The following DRC11 variants were observed in gnomAD, a reference collection of about 807,000 sequenced individuals.
DRC11 encodes the protein dynein regulatory complex subunit 11.
chr2:236,317,454 C>T, the DRC11 span, among the ~76,000 whole-genome samples: 17 of 152,136 alleles, frequency 1.1e-4, no homozygotes, highest in African/African-American at 3.6e-4. This position sits in a 1 kb window ranked among gnomAD's most constrained non-coding sequence, Gnocchi z 5.4. Context: ...AGAAGAAGCC[C>T]GACGGAAATG....
chr2:236,384,625 A>G, the DRC11 span, among the ~76,000 whole-genome samples: 1 of 152,024 alleles, frequency 6.6e-6, no homozygotes, highest in African/African-American at 2.4e-5. Flanking sequence ...GTTCACTCTG[A>G]TGGTAGTGTC....
chr2:236,399,778 ACTTT>A, the DRC11 span, among the ~76,000 whole-genome samples: 1,443 of 152,072 alleles, frequency 9.5e-3, 14 homozygotes, highest in African/African-American at 0.017. This position sits in a 1 kb window ranked among gnomAD's most constrained non-coding sequence, Gnocchi z 7.0. Context: ...TGATTAAAAA[ACTTT>A]CTTTCTTTCT....
At chr2:236,380,424 T>C in the DRC11 span, 8 of 614,804 alleles carry the variant, frequency 1.3e-5, no homozygotes, top group Admixed American at 6.0e-5. This position sits in a 1 kb window ranked among gnomAD's most constrained non-coding sequence, Gnocchi z 4.9. Flanking sequence ...CTGGGATTTG[T>C]AGGGACTTAG....
chr2:236,406,590 T>C, the DRC11 span, among the ~76,000 whole-genome samples: 2 of 152,190 alleles, frequency 1.3e-5, no homozygotes, highest in East Asian at 1.9e-4. The surrounding 1 kb of genome is among the most constrained non-coding windows in gnomAD (Gnocchi z 4.7). Context: ...GATTTCCCAC[T>C]GATCTGAGAG....
At chr2:236,474,275 C>T in the DRC11 span, among the ~76,000 whole-genome samples, 1 of 152,046 alleles carries the variant, frequency 6.6e-6, no homozygotes, top group African/African-American at 2.4e-5. Flanking sequence ...TCTCTTTATA[C>T]TATTCAAACT....
chr2:236,352,697 C>T, the DRC11 span, among the ~76,000 whole-genome samples: 3 of 152,122 alleles, frequency 2.0e-5, no homozygotes, highest in Non-Finnish European at 4.4e-5. This position sits in a 1 kb window ranked among gnomAD's most constrained non-coding sequence, Gnocchi z 7.0. Flanking sequence ...GGATCTTGTT[C>T]AACACATACT....
the DRC11 span, among the ~76,000 whole-genome samples, chr2:236,326,795 T>C: frequency 8.4e-5 from 1 of 11,888 alleles, no homozygotes; most frequent in East Asian, 1.2e-3. Flanking sequence ...AGATTTGTTG[T>C]GTGTGTGTGT....
the DRC11 span, among the ~76,000 whole-genome samples, chr2:236,506,704 A>G: frequency 1.7e-4 from 26 of 152,324 alleles, no homozygotes; most frequent in South Asian, 2.1e-3. This position sits in a 1 kb window ranked among gnomAD's most constrained non-coding sequence, Gnocchi z 4.9. Flanking sequence ...GCGCTGTAAT[A>G]CCTGTTGGAA....
At chr2:236,470,469 G>GC in the DRC11 span, among the ~76,000 whole-genome samples, 1 of 152,152 alleles carries the variant, frequency 6.6e-6, no homozygotes, top group Non-Finnish European at 1.5e-5. This position sits in a 1 kb window ranked among gnomAD's most constrained non-coding sequence, Gnocchi z 5.1. Context: ...ACTTAGAGGC[G>GC]CGTGTTCGGT....
At chr2:236,416,908 C>T in the DRC11 span, among the ~76,000 whole-genome samples, 1 of 151,030 alleles carries the variant, frequency 6.6e-6, no homozygotes, top group Admixed American at 6.6e-5. Flanking sequence ...TTACAGGCAC[C>T]CAAAACAATG....
At chr2:236,387,566 G>C in the DRC11 span, among the ~76,000 whole-genome samples, 2 of 152,122 alleles carry the variant, frequency 1.3e-5, no homozygotes, top group African/African-American at 4.8e-5. Context: ...CTCTGCATGT[G>C]AGATGGGTTT....
At chr2:236,492,792 A>G in the DRC11 span, among the ~76,000 whole-genome samples, 2 of 152,240 alleles carry the variant, frequency 1.3e-5, no homozygotes, top group African/African-American at 2.4e-5. Context: ...GACTGCAAGA[A>G]TCCAGGAGGT....
At chr2:236,463,012 C>G in the DRC11 span, among the ~76,000 whole-genome samples, 1 of 151,894 alleles carries the variant, frequency 6.6e-6, no homozygotes, top group African/African-American at 2.4e-5. This position sits in a 1 kb window ranked among gnomAD's most constrained non-coding sequence, Gnocchi z 5.0. Context: ...AGTCTTATAC[C>G]ACGAGCAGGA....
At chr2:236,313,657 C>T in the DRC11 span, among the ~76,000 whole-genome samples, 1 of 152,106 alleles carries the variant, frequency 6.6e-6, no homozygotes, top group Non-Finnish European at 1.5e-5. This position sits in a 1 kb window ranked among gnomAD's most constrained non-coding sequence, Gnocchi z 4.5. Context: ...GGAATGAGCC[C>T]AGATGTCCTT....
the DRC11 span, among the ~76,000 whole-genome samples, chr2:236,440,866 CT>C: frequency 6.6e-6 from 1 of 152,114 alleles, no homozygotes; most frequent in Non-Finnish European, 1.5e-5. Flanking sequence ...AAAAAATGAA[CT>C]CATTTTGAAT....
the DRC11 span, among the ~76,000 whole-genome samples, chr2:236,425,744 T>C: frequency 6.6e-6 from 1 of 152,052 alleles, no homozygotes; most frequent in Non-Finnish European, 1.5e-5. Context: ...CTATGTTTTC[T>C]TACAGTAGTT....
the DRC11 span, among the ~76,000 whole-genome samples, chr2:236,403,300 G>C: frequency 6.6e-6 from 1 of 152,120 alleles, no homozygotes; most frequent in Non-Finnish European, 1.5e-5. Flanking sequence ...CAGACATGAG[G>C]CTGGAGTGGC....
At chr2:236,354,176 TG>T in the DRC11 span, among the ~76,000 whole-genome samples, 1 of 122,798 alleles carries the variant, frequency 8.1e-6, no homozygotes, top group South Asian at 2.3e-4. Flanking sequence ...GGGACATGCG[TG>T]TATGTCTGTG....
the DRC11 span, chr2:236,408,562 A>G: frequency 1.4e-6 from 1 of 726,536 alleles, no homozygotes; most frequent in Non-Finnish European, 2.6e-6. This position sits in a 1 kb window ranked among gnomAD's most constrained non-coding sequence, Gnocchi z 5.5. Flanking sequence ...GCGTGGAGGA[A>G]GCAGGTATAT....
Sources: gnomAD v4.1 joint callset for allele counts (sites outside exome capture counted in the v4.1 genomes callset) on GRCh38, gnomAD v4.1.1 for gene constraint, Gnocchi (gnomAD v3.1) non-coding constraint, MANE v1.5 for transcripts, NCBI Gene and HGNC (gene_info 2026-07-23, HGNC 2026-07-21) for gene names.